The following MACROD2 variants were observed in gnomAD, a reference collection of about 807,000 sequenced individuals.
The protein encoded by MACROD2 is mono-ADP ribosylhydrolase 2.
In MACROD2, 36 loss-of-function variants were observed where a neutral mutation model predicts 70.4. The observed-to-expected ratio is 0.51, with a 90% CI of 0.39 to 0.68. The LOEUF (loss-of-function observed/expected upper bound fraction) is 0.68. Ranked by LOEUF, MACROD2 falls within the 30% of genes least tolerant of loss-of-function variation. The pLI is 0.00. For synonymous variants in MACROD2, 172 were observed against 178.8 expected, an observed-to-expected ratio of 0.96 and a Z score of 0.30; for missense variants, 496 against 538.4, an observed-to-expected ratio of 0.92 and a Z score of 0.78.
At chr20:14,611,891 A>T (rs142814211) in intron 4 of MACROD2, among the ~76,000 whole-genome samples, 35 of 152,268 alleles carry the variant, frequency 2.3e-4, no homozygotes, top group African/African-American at 7.5e-4. Flanking sequence ...TTTAAAATGT[A>T]TGGTTTTAAA....
chr20:14,679,573 T>A (rs1006817620), intron 4 of MACROD2, among the ~76,000 whole-genome samples: 7 of 152,358 alleles, frequency 4.6e-5, no homozygotes, highest in African/African-American at 1.7e-4. Flanking sequence ...CAGACTCACA[T>A]TTTATAAAAA....
intron 4 of MACROD2, among the ~76,000 whole-genome samples, chr20:14,550,227 T>A (rs960187099): frequency 1.3e-5 from 2 of 152,026 alleles, no homozygotes; most frequent in African/African-American, 4.8e-5. Flanking sequence ...CCAGCCCAAT[T>A]ACACCTTTAA....
chr20:15,945,675 A>G (rs1253618707), intron 12 of MACROD2, among the ~76,000 whole-genome samples: 2 of 152,144 alleles, frequency 1.3e-5, no homozygotes, highest in African/African-American at 4.8e-5. Context: ...AATGGATGTA[A>G]AGCAATCTCT....
chr20:15,485,609 C>G lies in MACROD2; in HGVS notation c.572-14165C>G, dbSNP rs184209033. 7.2e-4 allele frequency among the ~76,000 whole-genome samples: 109 copies of G among 152,208 alleles called. 1 individual carries two copies. Among genetic ancestry groups the G allele is most frequent in the Admixed American group, 5.7e-3 (87 of 15,278 alleles). ...TTCATTATTAAGACGAACAATGATG[C>G]CTGCTGTGGGAAATGTGCATTTTAA... On this transcript the variant is annotated intron_variant, in intron 7 of 17. Transcript: ENST00000684519.
At chr20:15,823,589 C>G (rs897340917) in intron 8 of MACROD2, among the ~76,000 whole-genome samples, 7 of 152,060 alleles carry the variant, frequency 4.6e-5, no homozygotes, top group Non-Finnish European at 1.0e-4. Context: ...CATTAAATAG[C>G]GGTCATCACG....
chr20:16,002,035 ATG>A (rs2066715921), intron 15 of MACROD2, among the ~76,000 whole-genome samples: 2 of 138,710 alleles, frequency 1.4e-5, no homozygotes, highest in South Asian at 2.4e-4. Flanking sequence ...ATATAATATA[ATG>A]TGTCTTATAT....
chr20:14,850,097 A>C (rs1349863689), intron 5 of MACROD2: 2 of 442,568 alleles, frequency 4.5e-6, no homozygotes, highest in Admixed American at 5.1e-5. Flanking sequence ...ATAACGTAGG[A>C]TGGAGAGCCA....
At chr20:15,319,495 G>C (rs2077850114) in intron 6 of MACROD2, among the ~76,000 whole-genome samples, 1 of 152,186 alleles carries the variant, frequency 6.6e-6, no homozygotes, top group South Asian at 2.1e-4. Context: ...AAAATAGCAA[G>C]TGTTGGTGAA....
At chr20:15,577,108 G>A (rs563085445) in intron 8 of MACROD2, among the ~76,000 whole-genome samples, 4 of 151,746 alleles carry the variant, frequency 2.6e-5, no homozygotes, top group Admixed American at 6.6e-5. Context: ...AATATATTCC[G>A]TAGAGAAAAG....
chr20:15,830,881 A>G (rs935989845), intron 8 of MACROD2, among the ~76,000 whole-genome samples: 3 of 152,238 alleles, frequency 2.0e-5, no homozygotes, highest in Admixed American at 6.5e-5. Context: ...CGTATATAAC[A>G]CATTAGAAGT....
At chr20:14,824,759 T>A (rs963146693) in intron 5 of MACROD2, among the ~76,000 whole-genome samples, 1 of 152,114 alleles carries the variant, frequency 6.6e-6, no homozygotes, top group Non-Finnish European at 1.5e-5. Flanking sequence ...TGGGAGGGGC[T>A]ACCCATGGAT....
intron 8 of MACROD2, among the ~76,000 whole-genome samples, chr20:15,612,645 A>G (rs1289994003): frequency 2.0e-5 from 3 of 152,232 alleles, no homozygotes; most frequent in Non-Finnish European, 4.4e-5. Flanking sequence ...GGGGCAATGG[A>G]ATTAGAGTCA....
intron 5 of MACROD2, among the ~76,000 whole-genome samples, chr20:14,925,864 G>C (rs1235369912): frequency 2.6e-5 from 4 of 152,166 alleles, no homozygotes; most frequent in African/African-American, 9.7e-5. Context: ...AAGAGATACA[G>C]GATAGGATTA....
chr20:15,636,914 G>T (rs1192768346), intron 8 of MACROD2, among the ~76,000 whole-genome samples: 1 of 152,152 alleles, frequency 6.6e-6, no homozygotes, highest in East Asian at 1.9e-4. Flanking sequence ...TTACAGAGAG[G>T]TAAGAAATTT....
chr20:15,188,267 G>A (rs890871357), intron 5 of MACROD2, among the ~76,000 whole-genome samples: 1 of 152,148 alleles, frequency 6.6e-6, no homozygotes, highest in Non-Finnish European at 1.5e-5. Flanking sequence ...TCTGCCCCCA[G>A]TTCAATGCTG....
At chr20:14,179,715 A>G (rs1018130625) in intron 3 of MACROD2, among the ~76,000 whole-genome samples, 2 of 152,164 alleles carry the variant, frequency 1.3e-5, no homozygotes, top group African/African-American at 2.4e-5. Flanking sequence ...TACCAAAGAT[A>G]TGATATTTGT....
At chr20:14,816,163 G>T (rs138078072) in intron 5 of MACROD2, among the ~76,000 whole-genome samples, 33 of 152,138 alleles carry the variant, frequency 2.2e-4, no homozygotes, top group African/African-American at 7.9e-4. Flanking sequence ...GGTACGGAAA[G>T]ATAAGATGGT....
intron 5 of MACROD2, among the ~76,000 whole-genome samples, chr20:15,221,861 C>T (rs1225320557): frequency 1.3e-5 from 2 of 152,160 alleles, no homozygotes; most frequent in East Asian, 3.8e-4. Flanking sequence ...AACCAACTTT[C>T]CAGTTGAGCT....
chr20:14,262,430 T>C (rs141072251), intron 3 of MACROD2, among the ~76,000 whole-genome samples: 14 of 152,352 alleles, frequency 9.2e-5, no homozygotes, highest in African/African-American at 2.6e-4. Flanking sequence ...AGATAATTAC[T>C]GTTCTTTTGG....
Sources: allele counts gnomAD v4.1 joint callset (sites outside exome capture counted in the v4.1 genomes callset), GRCh38; gene constraint gnomAD v4.1.1; transcripts MANE v1.5; gene names NCBI Gene and HGNC (gene_info 2026-07-23, HGNC 2026-07-21).